Variants in BCAR3 observed in about 807,000 individuals in gnomAD.
BCAR3 encodes BCAR3 adaptor protein, NSP family member.
A neutral mutation model predicts 80.1 loss-of-function variants in BCAR3; 37 were observed. The ratio of observed to expected loss-of-function variants is 0.46; its 90% CI spans 0.36 to 0.61. BCAR3 has a LOEUF of 0.61. BCAR3 is among the 20% of genes least tolerant of loss of function. BCAR3 has a pLI of 0.00. For missense variants in BCAR3, 978 were observed against 1,068.2 expected, an observed-to-expected ratio of 0.92 and a Z score of 1.18; for synonymous variants, 389 against 418.9, an observed-to-expected ratio of 0.93 and a Z score of 0.87.
chr1:93,820,196 G>A (rs967073232), intron 2 of BCAR3, among the ~76,000 whole-genome samples: 1 of 152,112 alleles, frequency 6.6e-6, no homozygotes, highest in Non-Finnish European at 1.5e-5. Flanking sequence ...ACTAGTTTTC[G>A]ATGCTCTTAA....
intron 7 of BCAR3, among the ~76,000 whole-genome samples, chr1:93,581,074 A>T (rs1673685762): frequency 6.6e-6 from 1 of 152,032 alleles, no homozygotes; most frequent in Non-Finnish European, 1.5e-5. Flanking sequence ...AGGTGGGAGG[A>T]TCACTTGAGC....
intron 2 of BCAR3, among the ~76,000 whole-genome samples, chr1:93,709,635 T>C (rs1186329816): frequency 2.0e-5 from 3 of 152,092 alleles, no homozygotes; most frequent in Non-Finnish European, 4.4e-5. Flanking sequence ...TTGATTGTCC[T>C]TGGAACAGCA....
At chr1:93,697,039 C>T (rs1649436188) in intron 3 of BCAR3, among the ~76,000 whole-genome samples, 2 of 152,248 alleles carry the variant, frequency 1.3e-5, no homozygotes, top group African/African-American at 4.8e-5. Context: ...GCCCTCCTCT[C>T]CTCCCTTAGC....
intron 1 of BCAR3, among the ~76,000 whole-genome samples, chr1:93,675,195 T>C (rs1648414168): frequency 6.6e-6 from 1 of 152,220 alleles, no homozygotes; most frequent in Admixed American, 6.5e-5. Flanking sequence ...CTTTCAGAGT[T>C]GTTAGAGGCA....
At chr1:93,730,304 T>G (rs1650740201) in intron 2 of BCAR3, among the ~76,000 whole-genome samples, 1 of 152,144 alleles carries the variant, frequency 6.6e-6, no homozygotes, top group African/African-American at 2.4e-5. Flanking sequence ...TGACAGTACC[T>G]GGAACTTTCC....
At chr1:93,789,270 C>CTTATATATGTA (rs1653055418) in intron 2 of BCAR3, among the ~76,000 whole-genome samples, 1 of 152,196 alleles carries the variant, frequency 6.6e-6, no homozygotes, top group African/African-American at 2.4e-5. Context: ...GCCACTACAC[C>CTTATATATGTA]CAACCTATTA....
chr1:93,720,263 T>C (rs942352923), intron 2 of BCAR3: 1 of 152,220 alleles, frequency 6.6e-6, no homozygotes, highest in Non-Finnish European at 1.5e-5. Flanking sequence ...CCCCTGCACA[T>C]TGCATCTCTG....
In BCAR3 at chr1:93,582,541, G is replaced by A. The variant is rs990847891; in HGVS notation, c.1446C>T (p.Asp482=). The change falls in exon 7 of 12, where the codon GAC becomes GAT. Residue 482 remains aspartate (D), a synonymous_variant. Coordinates refer to ENST00000260502, the MANE Select transcript of BCAR3 (RefSeq NM_003567.4). The part of the protein sequence containing the change: ...GVNYLILDDD[D]RERPWEPAAA... ...CCGCAGGTTCCCAAGGTCTTTCCCT[G>A]TCATCATCATCAAGGATCAAGTAGT... is the stretch of plus-strand genomic sequence containing the variant. The A allele has an allele frequency of 3.7e-6, 6 of 1,613,630 alleles. No individual in the cohort carries two copies. Among genetic ancestry groups the A allele is most frequent in the Non-Finnish European group, 5.1e-6 (6 of 1,179,822 alleles).
chr1:93,667,638 G>T (rs1378336274), intron 2 of BCAR3, among the ~76,000 whole-genome samples: 2 of 152,174 alleles, frequency 1.3e-5, no homozygotes, highest in African/African-American at 4.8e-5. Flanking sequence ...AGGTTTCTCA[G>T]ACCTCTCTAA....
intron 3 of BCAR3, among the ~76,000 whole-genome samples, chr1:93,700,949 A>C (rs964198165): frequency 1.3e-5 from 2 of 152,226 alleles, no homozygotes; most frequent in Admixed American, 6.5e-5. Context: ...GGGCACCCTC[A>C]GCGGACCTCA....
chr1:93,845,501 T>TCTCATGTTGTC (rs1187622336), intron 2 of BCAR3: 2 of 96,316 alleles, frequency 2.1e-5, no homozygotes, highest in Non-Finnish European at 4.3e-5. Context: ...TATATATATA[T>TCTCATGTTGTC]AAAACTTTGT....
At chr1:93,806,278 G>A (rs1653650165) in intron 2 of BCAR3, among the ~76,000 whole-genome samples, 1 of 152,176 alleles carries the variant, frequency 6.6e-6, no homozygotes, top group African/African-American at 2.4e-5. Context: ...CAAAGTATGA[G>A]ACTCAAAGAG....
At chr1:93,741,714 G>A (rs149186958) in intron 2 of BCAR3, among the ~76,000 whole-genome samples, 432 of 152,010 alleles carry the variant, frequency 2.8e-3, no homozygotes, top group African/African-American at 9.7e-3. Context: ...GATTACAGGC[G>A]TGCACCACCA....
chr1:93,673,787 T>C (rs1409123615), intron 2 of BCAR3, among the ~76,000 whole-genome samples: 2 of 152,242 alleles, frequency 1.3e-5, no homozygotes, highest in African/African-American at 4.8e-5. Context: ...TGCATCCACA[T>C]AAAATTTTAT....
At chr1:93,585,067 G>C (rs777817278) in intron 5 of BCAR3, 2 of 985,448 alleles carry the variant, frequency 2.0e-6, no homozygotes, top group Non-Finnish European at 2.4e-6. Flanking sequence ...ACAAGACCGA[G>C]GGCAAATTAC....
intron 3 of BCAR3, among the ~76,000 whole-genome samples, chr1:93,626,524 A>AT (rs1376536233): frequency 1.3e-5 from 2 of 152,216 alleles, no homozygotes; most frequent in East Asian, 3.9e-4. Flanking sequence ...ATACAGAGAC[A>AT]TTTTTTGCCT....
chr1:93,800,805 G>A (rs958420486), intron 2 of BCAR3, among the ~76,000 whole-genome samples: 3 of 152,120 alleles, frequency 2.0e-5, no homozygotes, highest in African/African-American at 2.4e-5. Flanking sequence ...ATGTATCGGT[G>A]TAGAAGGCTC....
At chr1:93,802,565 C>A (rs1052609619) in intron 2 of BCAR3, among the ~76,000 whole-genome samples, 3 of 152,176 alleles carry the variant, frequency 2.0e-5, no homozygotes, top group Non-Finnish European at 2.9e-5. Flanking sequence ...TGAAGGTTTT[C>A]CCCTTGGGTC....
chr1:93,825,399 C>T (rs1654340621), intron 2 of BCAR3, among the ~76,000 whole-genome samples: 1 of 133,658 alleles, frequency 7.5e-6, no homozygotes, highest in South Asian at 3.1e-4. Flanking sequence ...GGCATATTCT[C>T]CCTCTTACCT....
Sources: allele counts gnomAD v4.1 joint callset (sites outside exome capture counted in the v4.1 genomes callset), GRCh38; gene constraint gnomAD v4.1.1; transcripts MANE v1.5; gene names NCBI Gene and HGNC (gene_info 2026-07-23, HGNC 2026-07-21).